The following RPH3A variants were observed in gnomAD, a reference collection of about 807,000 sequenced individuals.
RPH3A encodes rabphilin 3A, also known as rabphilin-3A.
Under a neutral mutation model 102.2 loss-of-function variants are expected in RPH3A, and 48 were observed. That is an observed-to-expected ratio of 0.47 (90% confidence interval 0.37 to 0.60). The LOEUF (loss-of-function observed/expected upper bound fraction) is 0.60, where lower values mean the gene tolerates loss of function less well. RPH3A is among the 20% of genes least tolerant of loss of function. The pLI is 0.00. For missense variants in RPH3A, 781 were observed against 910.1 expected, an observed-to-expected ratio of 0.86 and a Z score of 1.83; for synonymous variants, 310 against 324.3, an observed-to-expected ratio of 0.96 and a Z score of 0.47.
chr12:112,642,533 A>G (rs2039897991), intron 1 of RPH3A, among the ~76,000 whole-genome samples: 1 of 152,194 alleles, frequency 6.6e-6, no homozygotes, highest in African/African-American at 2.4e-5. Context: ...TTTATCTGGC[A>G]ATTCTATACA....
chr12:112,788,927 C>T (rs184336272), upstream of RPH3A, among the ~76,000 whole-genome samples: 15 of 152,028 alleles, frequency 9.9e-5, no homozygotes, highest in Admixed American at 2.6e-4. Flanking sequence ...GGGAGGTCGA[C>T]GTGGGCAGGT....
At chr12:112,824,897 C>A (rs917842500) in intron 2 of RPH3A, among the ~76,000 whole-genome samples, 29 of 152,178 alleles carry the variant, frequency 1.9e-4, no homozygotes, top group African/African-American at 6.5e-4. Flanking sequence ...GATCAGAGTT[C>A]CTGGGAGGTG....
chr12:112,677,067 T>G (rs2040180404), intron 1 of RPH3A, among the ~76,000 whole-genome samples: 1 of 152,118 alleles, frequency 6.6e-6, no homozygotes, highest in South Asian at 2.1e-4. Flanking sequence ...TCTTTATGGA[T>G]CTGTAAAAAG....
At chr12:112,815,079 C>A (rs981603695) in intron 2 of RPH3A, among the ~76,000 whole-genome samples, 1 of 151,984 alleles carries the variant, frequency 6.6e-6, no homozygotes, top group South Asian at 2.1e-4. Context: ...AAGAATATAC[C>A]CCAGCCTGTC....
intron 1 of RPH3A, among the ~76,000 whole-genome samples, chr12:112,760,147 C>T (rs2040846245): frequency 6.6e-6 from 1 of 152,098 alleles, no homozygotes; most frequent in Non-Finnish European, 1.5e-5. Flanking sequence ...AGATTTTAAG[C>T]GTGGGTATTC....
chr12:112,792,495 T>G (rs1423961590), intron 2 of RPH3A, among the ~76,000 whole-genome samples: 1 of 152,246 alleles, frequency 6.6e-6, no homozygotes, highest in African/African-American at 2.4e-5. Flanking sequence ...GCTCATGTTG[T>G]AGGCAATGCG....
chr12:112,596,952 T>A (rs1212191375), intron 1 of RPH3A, among the ~76,000 whole-genome samples: 1 of 152,240 alleles, frequency 6.6e-6, no homozygotes, highest in East Asian at 1.9e-4. Context: ...TATTCATAGG[T>A]TAAAAACATT....
Position 112,847,832 on chromosome 12 carries a change from G to A in RPH3A, c.220G>A (p.Glu74Lys), listed in dbSNP as rs1337171653. ...TGAGAAAATGGAAGAGATGGAGCAG[G>A]AGCGAATCGGGTGAGGCTTAACGCT... is the stretch of plus-strand genomic sequence containing the variant. ...RAEKMEEMEQ[E>K]RIGRLVDRLE... Residue 74 changes from glutamate to lysine, a missense_variant, in exon 5 of 22, where the codon GAG becomes AAG. Physicochemically the swap from Glu to Lys is moderately conservative, Grantham distance 56. Transcript: ENST00000389385. The A allele has an allele frequency of 1.4e-5, 23 of 1,614,124 alleles. No homozygotes were observed. The highest frequency in any genetic ancestry group is 1.9e-5 in the Non-Finnish European group (22 of 1,179,998).
At chr12:112,877,222 C>G (rs1450824866) in intron 13 of RPH3A, among the ~76,000 whole-genome samples, 2 of 152,120 alleles carry the variant, frequency 1.3e-5, no homozygotes, top group African/African-American at 4.8e-5. Flanking sequence ...TATGACTCAG[C>G]AATTTCGCTC....
rs754219546 is a variant in RPH3A, at chr12:112,653,368, T to TAA, written c.-140+78068_-140+78069dup. Among the ~76,000 whole-genome samples, 1,039 of 109,224 alleles carry TAA rather than the reference T, an allele frequency of 9.5e-3. 12 individuals carry two copies. Among genetic ancestry groups the TAA allele is most frequent in the African/African-American group, 0.034 (981 of 29,250 alleles). 71.7% of individuals were successfully genotyped at this position (109,224 alleles called of 152,430 possible). On this transcript the variant is annotated intron_variant, in intron 1 of 21. Coordinates refer to the RPH3A transcript ENST00000543106. ...CTGGGTGACACAGCGAGACTCCATC[T>TAA]AAAAAAAAAAAAAAAAAAAAGATAA... is the stretch of plus-strand genomic sequence containing the variant.
At chr12:112,588,251 T>C (rs2039451842) in intron 1 of RPH3A, among the ~76,000 whole-genome samples, 1 of 152,256 alleles carries the variant, frequency 6.6e-6, no homozygotes, top group African/African-American at 2.4e-5. Context: ...TCTGTTCTCA[T>C]GCTGCTAATA....
intron 1 of RPH3A, among the ~76,000 whole-genome samples, chr12:112,726,805 CT>C (rs1178979759): frequency 2.0e-5 from 3 of 151,842 alleles, no homozygotes; most frequent in African/African-American, 4.8e-5. Flanking sequence ...GGCGGATCAC[CT>C]GAGGTCAGGA....
At chr12:112,662,863 T>G (rs914008873) in intron 1 of RPH3A, among the ~76,000 whole-genome samples, 20 of 152,114 alleles carry the variant, frequency 1.3e-4, no homozygotes, top group Non-Finnish European at 2.6e-4. Context: ...GGCCCATTCT[T>G]CCCAAACCCC....
At chr12:112,665,955 G>A (rs539945034) in intron 1 of RPH3A, among the ~76,000 whole-genome samples, 2 of 152,202 alleles carry the variant, frequency 1.3e-5, no homozygotes, top group Admixed American at 1.3e-4. Flanking sequence ...TACAGCCTTT[G>A]AGGCAGGCAC....
At chr12:112,735,349 G>A (rs1163016899) in intron 1 of RPH3A, among the ~76,000 whole-genome samples, 1 of 152,362 alleles carries the variant, frequency 6.6e-6, no homozygotes, top group East Asian at 1.9e-4. Flanking sequence ...AAGGCATGGA[G>A]AGATGTTGGG....
chr12:112,838,076 G>A (rs2042083400), intron 4 of RPH3A, among the ~76,000 whole-genome samples: 1 of 152,206 alleles, frequency 6.6e-6, no homozygotes, highest in African/African-American at 2.4e-5. Flanking sequence ...AGTATGTGCA[G>A]AGCTATAATC....
At chr12:112,736,215 C>A (rs1278755952) in intron 1 of RPH3A, among the ~76,000 whole-genome samples, 1 of 152,182 alleles carries the variant, frequency 6.6e-6, no homozygotes, top group Non-Finnish European at 1.5e-5. Flanking sequence ...GCACGAGATT[C>A]TAGTGGCACT....
At chr12:112,853,599 C>T (rs764665172) in intron 5 of RPH3A, among the ~76,000 whole-genome samples, 7 of 152,094 alleles carry the variant, frequency 4.6e-5, no homozygotes, top group South Asian at 2.1e-4. Context: ...GAGGCCGAGG[C>T]GGGTGGATCA....
At chr12:112,725,250 GAAAAAA>G (rs35952537) in intron 1 of RPH3A, among the ~76,000 whole-genome samples, 1 of 63,066 alleles carries the variant, frequency 1.6e-5, no homozygotes, top group African/African-American at 5.6e-5. Context: ...CTTTGTCTCA[GAAAAAA>G]AAAAAAAAAA....
Sources: allele counts gnomAD v4.1 joint callset (sites outside exome capture counted in the v4.1 genomes callset), GRCh38; gene constraint gnomAD v4.1.1; transcripts MANE v1.5; gene names NCBI Gene and HGNC (gene_info 2026-07-23, HGNC 2026-07-21).